Variants in MGAM2 observed in about 807,000 individuals in gnomAD.
MGAM2 encodes maltase-glucoamylase 2 (putative), also known as probable maltase-glucoamylase 2.
MGAM2 carries 98 observed loss-of-function variants against 96.1 expected under a neutral mutation model. The ratio of observed to expected loss-of-function variants is 1.02; its 90% CI spans 0.87 to 1.21. MGAM2 has a LOEUF of 1.21. Among genes scored for constraint, MGAM2 ranks in the 50% most tolerant of loss-of-function variants. The pLI is 0.00. For synonymous variants in MGAM2, 749 were observed against 414.8 expected, an observed-to-expected ratio of 1.81 and a Z score of -9.79; for missense variants, 2,055 against 1,182.4, an observed-to-expected ratio of 1.74 and a Z score of -10.82.
Position 142,175,638 on chromosome 7 carries a change from G to T in MGAM2, c.3688-14G>T, listed in dbSNP as rs1378830259. On this transcript the variant is annotated splice_polypyrimidine_tract_variant and intron_variant, in intron 31 of 47. Coordinates refer to ENST00000477922, the MANE Select transcript of MGAM2 (RefSeq NM_001293626.2). The stretch of plus-strand genomic sequence containing the variant: ...ACTGCAGGGTTCCAAGAGCCTTGCT[G>T]CTTCTTTCTGCAGGACGTCCAGCAT... 2 of 702,082 alleles carry T rather than the reference G, an allele frequency of 2.8e-6. No individual in the cohort carries two copies. Among genetic ancestry groups the T allele is most frequent in the Non-Finnish European group, 5.2e-6 (2 of 384,812 alleles). 43.5% of individuals were successfully genotyped at this position (702,082 alleles called of 1,614,324 possible).
intron 15 of MGAM2, among the ~76,000 whole-genome samples, chr7:142,151,549 T>C (rs1795578831): frequency 6.6e-6 from 1 of 152,184 alleles, no homozygotes; most frequent in Non-Finnish European, 1.5e-5. Flanking sequence ...AATCTCCTGT[T>C]CTGATATAGT....
chr7:142,171,977 C>G, intron 28 of MGAM2, 121 bp from the exon 29 acceptor site: 1 of 415,596 alleles, frequency 2.4e-6, no homozygotes, highest in Non-Finnish European at 4.4e-6. Flanking sequence ...CAATGAAGGC[C>G]CAACAAAGGA....
rs113115501 is a variant in MGAM2, at chr7:142,140,736, G to A, written c.1087-66G>A. 917 of 623,788 alleles carry A rather than the reference G, an allele frequency of 1.5e-3. 11 individuals are homozygous for A. In the African/African-American group the frequency reaches 0.015, roughly 10 times the overall value. The allele number at this position is 623,788 out of a possible 1,614,324, so 38.6% of individuals were successfully genotyped here. ...TCATTTTCAATGGTCAGGAACCAGA[G>A]CTGTAATACTTTCCATCAGCACAGT... On this transcript the variant is annotated intron_variant, in intron 10 of 47. Coordinates refer to ENST00000477922, the MANE Select transcript of MGAM2 (RefSeq NM_001293626.2).
chr7:142,111,807 G>A lies in MGAM2; in HGVS notation c.-1G>A, dbSNP rs756465036. On this transcript the variant is annotated splice_region_variant and 5_prime_UTR_variant, in exon 1 of 48. Coordinates refer to ENST00000477922, the MANE Select transcript of MGAM2 (RefSeq NM_001293626.2). Reference sequence around the variant, plus strand: ...AGCATAGAAAAAAACAAGGTGATGCGGTGAGTACGCTTCTCCATGCAAGCA... The same window carrying A: ...AGCATAGAAAAAAACAAGGTGATGCAGTGAGTACGCTTCTCCATGCAAGCA... 2.0e-5 allele frequency: 3 copies of A among 152,198 alleles called. No individual in the cohort carries two copies. Among genetic ancestry groups the A allele is most frequent in the African/African-American group, 4.8e-5 (2 of 41,448 alleles). The allele number at this position is 152,198 out of a possible 1,614,324, so 9.4% of individuals were successfully genotyped here.
Position 142,185,114 on chromosome 7 carries a change from C to T in MGAM2, c.3962C>T (p.Ser1321Phe), listed in dbSNP as rs1263824641. 1.4e-6 allele frequency: 1 copy of T among 702,918 alleles called. No individual in the cohort carries two copies. Among genetic ancestry groups the T allele is most frequent in the Non-Finnish European group, 2.6e-6 (1 of 384,932 alleles). 43.5% of individuals were successfully genotyped at this position (702,918 alleles called of 1,614,324 possible). ...CTGCCTAATGTAATTGTAGATGGAT[C>T]CCTTGACCATGAAACTCAGGTTAAG... ...PDLPNVIVDG[S>F]LDHETQVKLY... is the part of the protein sequence containing the mutation. The change falls in exon 34 of 48, where the codon TCC (serine) becomes TTC (phenylalanine). Residue 1321 changes from serine to phenylalanine, a missense_variant. By Grantham distance (155) the Ser-to-Phe change is radical (BLOSUM62 -2). Coordinates refer to ENST00000477922, the MANE Select transcript of MGAM2 (RefSeq NM_001293626.2).
intron 3 of MGAM2, among the ~76,000 whole-genome samples, chr7:142,124,570 C>T (rs1484261574): frequency 6.6e-6 from 1 of 152,106 alleles, no homozygotes; most frequent in Non-Finnish European, 1.5e-5. Flanking sequence ...TTTCTGAATA[C>T]ATTTTAATTT....
intron 26 of MGAM2, among the ~76,000 whole-genome samples, 164 bp downstream of exon 26, chr7:142,167,650 G>A (rs891340226): frequency 1.3e-5 from 2 of 152,178 alleles, no homozygotes; most frequent in African/African-American, 2.4e-5. Context: ...TCAGGTCACT[G>A]TAACTTCCAC....
chr7:142,174,742 G>A (rs562392110), intron 31 of MGAM2, among the ~76,000 whole-genome samples: 1 of 49,324 alleles, frequency 2.0e-5, no homozygotes, highest in South Asian at 8.5e-4. Context: ...TTGAGTTGGA[G>A]TCTCCCTCTG....
rs894411736 is a variant in MGAM2, at chr7:142,141,006, G to A, written c.1219-15G>A. ...AATTTATGAAAATAATATTTATATC[G>A]TATTTCTTTATTAGAATCCTGGCAT... On this transcript the variant is annotated splice_polypyrimidine_tract_variant and intron_variant, in intron 11 of 47. Coordinates refer to ENST00000477922, the MANE Select transcript of MGAM2 (RefSeq NM_001293626.2). The A allele has an allele frequency of 3.6e-5, 25 of 693,696 alleles. No individual in the cohort carries two copies. Among genetic ancestry groups the A allele is most frequent in the East Asian group, 8.1e-5 (3 of 37,160 alleles). 43.0% of individuals were successfully genotyped at this position (693,696 alleles called of 1,614,324 possible).
intron 7 of MGAM2, among the ~76,000 whole-genome samples, chr7:142,134,591 C>T (rs1008303095): frequency 2.6e-5 from 4 of 152,036 alleles, no homozygotes; most frequent in African/African-American, 7.2e-5. Context: ...GTTTCAGAAA[C>T]GTCAGCGTTG....
intron 32 of MGAM2, among the ~76,000 whole-genome samples, chr7:142,177,294 G>T (rs1171034119): frequency 6.6e-6 from 1 of 152,102 alleles, no homozygotes; most frequent in Non-Finnish European, 1.5e-5. Flanking sequence ...AAAACCATCA[G>T]ATCTCATGAG....
chr7:142,137,990 G>T (rs1228767606), intron 9 of MGAM2, among the ~76,000 whole-genome samples: 2 of 152,174 alleles, frequency 1.3e-5, no homozygotes, highest in Non-Finnish European at 2.9e-5. Flanking sequence ...CAAGGTGGGC[G>T]AATCACTTGA....
Position 142,148,758 on chromosome 7 carries a change from C to T in MGAM2, c.1634+1185C>T, listed in dbSNP as rs1795464505. Among the ~76,000 whole-genome samples, 2 of 152,230 alleles carry T rather than the reference C, an allele frequency of 1.3e-5. No homozygotes were observed. The highest frequency in any genetic ancestry group is 2.4e-5 in the African/African-American group (1 of 41,542). On this transcript the variant is annotated intron_variant, in intron 15 of 47. Transcript: ENST00000477922. The surrounding 1 kb of genome is among the most constrained non-coding windows in gnomAD (Gnocchi z 4.2). Reference sequence around the variant, plus strand: ...TAGGAAAGAGCATCTTTGTCTTTCTCGGCTTCTTTCCCCCTGTTTTGGTGT... The same window carrying T: ...TAGGAAAGAGCATCTTTGTCTTTCTTGGCTTCTTTCCCCCTGTTTTGGTGT...
chr7:142,112,345 G>A (rs1817202430), intron 1 of MGAM2, among the ~76,000 whole-genome samples: 1 of 152,172 alleles, frequency 6.6e-6, no homozygotes, highest in Admixed American at 6.5e-5. Context: ...CTAAGGTGCT[G>A]AACCTGCTCC....
At chr7:142,183,398 A>G (rs1316642725) in intron 33 of MGAM2, 25 bp downstream of exon 33, 1 of 699,894 alleles carries the variant, frequency 1.4e-6, no homozygotes, top group East Asian at 2.7e-5. Context: ...AGATGCTTAC[A>G]GTTAATTAAC....
intron 37 of MGAM2, among the ~76,000 whole-genome samples, chr7:142,195,731 C>A (rs541957139): frequency 1.3e-5 from 2 of 152,156 alleles, no homozygotes; most frequent in African/African-American, 4.8e-5. Flanking sequence ...TATTTTCAGG[C>A]GAATGCCTTT....
At chr7:142,213,759 T>G (rs980876212) in intron 46 of MGAM2, among the ~76,000 whole-genome samples, 2 of 152,166 alleles carry the variant, frequency 1.3e-5, no homozygotes, top group African/African-American at 2.4e-5. Flanking sequence ...GAGGAACTGG[T>G]ACCGTTCCTC....
chr7:142,174,715 C>CTCTTTTT (rs1194981898), intron 31 of MGAM2, among the ~76,000 whole-genome samples: 3 of 85,460 alleles, frequency 3.5e-5, no homozygotes, highest in Admixed American at 1.4e-4. Flanking sequence ...CTCTCTCTCT[C>CTCTTTTT]TTTTTTTTTT....
intron 37 of MGAM2, among the ~76,000 whole-genome samples, chr7:142,191,577 C>T (rs2961066): frequency 0.39 from 58,539 of 151,794 alleles, 13,208 homozygotes; most frequent in African/African-American, 0.63. Flanking sequence ...GCCTTCTCAA[C>T]TCTATTTCAT....
Sources: allele counts gnomAD v4.1 joint callset (sites outside exome capture counted in the v4.1 genomes callset), GRCh38; gene constraint gnomAD v4.1.1; non-coding constraint Gnocchi (gnomAD v3.1); transcripts MANE v1.5; gene names NCBI Gene and HGNC (gene_info 2026-07-23, HGNC 2026-07-21).